FBXO34: variants seen among roughly 807,000 people sequenced by gnomAD.
FBXO34 encodes the protein F-box protein 34.
A neutral mutation model predicts 24.5 loss-of-function variants in FBXO34; 12 were observed. The observed-to-expected ratio is 0.49, with a 90% CI of 0.31 to 0.79. The LOEUF (loss-of-function observed/expected upper bound fraction) is 0.79. Ranked by LOEUF, FBXO34 falls within the 30% of genes least tolerant of loss-of-function variation. FBXO34 has a pLI of 0.04. For synonymous variants in FBXO34, 320 were observed against 311.9 expected, an observed-to-expected ratio of 1.03 and a Z score of -0.27; for missense variants, 823 against 857.7, an observed-to-expected ratio of 0.96 and a Z score of 0.51.
intron 1 of FBXO34, among the ~76,000 whole-genome samples, chr14:55,312,658 G>C (rs1232364724): frequency 6.6e-6 from 1 of 152,238 alleles, no homozygotes; most frequent in Non-Finnish European, 1.5e-5. Context: ...TGCACCTGCA[G>C]GCCCAACACC....
chr14:55,385,709 TACTGTTTGTTGAA>T, the FBXO34 span: 1 of 752,386 alleles, frequency 1.3e-6, no homozygotes, highest in East Asian at 2.7e-5. Flanking sequence ...CTGCGGTGCG[TACTGTTTGTTGAA>T]ACAGATAAGA....
chr14:55,405,514 A>G, the FBXO34 span, among the ~76,000 whole-genome samples: 2 of 152,202 alleles, frequency 1.3e-5, no homozygotes, highest in Non-Finnish European at 2.9e-5. Context: ...CCACATGTGA[A>G]AATCAGTGGC....
intron 1 of FBXO34, among the ~76,000 whole-genome samples, chr14:55,312,777 C>T (rs1394306736): frequency 6.6e-6 from 1 of 152,246 alleles, no homozygotes; most frequent in African/African-American, 2.4e-5. Flanking sequence ...AGTCTTGAGA[C>T]TGCACAAAGC....
chr14:55,386,253 T>C, the FBXO34 span, among the ~76,000 whole-genome samples: 1 of 152,196 alleles, frequency 6.6e-6, no homozygotes, highest in African/African-American at 2.4e-5. Flanking sequence ...TTTGAGAGTT[T>C]AGTTCAAGTA....
chr14:55,286,862 A>G (rs922736321), intron 1 of FBXO34, among the ~76,000 whole-genome samples: 4 of 149,108 alleles, frequency 2.7e-5, no homozygotes, highest in African/African-American at 9.9e-5. Context: ...TATCTTGGAG[A>G]TGGGACCCAC....
At chr14:55,409,885 C>T in the FBXO34 span, among the ~76,000 whole-genome samples, 1 of 152,160 alleles carries the variant, frequency 6.6e-6, no homozygotes, top group Non-Finnish European at 1.5e-5. Context: ...GGAGCAAGGA[C>T]GGAAGCAGAG....
At chr14:55,389,400 A>G in the FBXO34 span, among the ~76,000 whole-genome samples, 1 of 152,218 alleles carries the variant, frequency 6.6e-6, no homozygotes, top group African/African-American at 2.4e-5. Context: ...TAGGTTCTAT[A>G]TAGTTCTGGG....
At chr14:55,296,423 T>C (rs1348393868) in intron 1 of FBXO34, among the ~76,000 whole-genome samples, 2 of 127,586 alleles carry the variant, frequency 1.6e-5, no homozygotes, top group African/African-American at 5.9e-5. Context: ...TTTGAGACAG[T>C]CTCGCTCTGT....
At chr14:55,286,872 C>T (rs1175775416) in intron 1 of FBXO34, among the ~76,000 whole-genome samples, 1 of 149,622 alleles carries the variant, frequency 6.7e-6, no homozygotes, top group Admixed American at 6.7e-5. Flanking sequence ...ATGGGACCCA[C>T]ATTGAAACAC....
intron 1 of FBXO34, among the ~76,000 whole-genome samples, chr14:55,287,777 G>A (rs1300142928): frequency 1.3e-5 from 2 of 152,214 alleles, no homozygotes; most frequent in Non-Finnish European, 2.9e-5. Context: ...ATTAACAACA[G>A]TTTTTGTCTT....
chr14:55,347,662 T>C (rs10134339), intron 1 of FBXO34, among the ~76,000 whole-genome samples: 84,856 of 152,178 alleles, frequency 0.56, 26,698 homozygotes, highest in African/African-American at 0.87. Context: ...ATTTTAATCT[T>C]GCTAAAATCT....
At chr14:55,338,355 G>T (rs1883865505) in intron 1 of FBXO34, among the ~76,000 whole-genome samples, 1 of 151,792 alleles carries the variant, frequency 6.6e-6, no homozygotes, top group Non-Finnish European at 1.5e-5. Context: ...AGCGAGTATG[G>T]ACTTCTTTTA....
the FBXO34 span, among the ~76,000 whole-genome samples, chr14:55,426,012 A>G: frequency 2.0e-5 from 3 of 152,186 alleles, no homozygotes; most frequent in South Asian, 6.2e-4. Flanking sequence ...TCACACCTGT[A>G]ATCCTAGTAC....
At chr14:55,366,656 C>G (rs1009810175), downstream of FBXO34, 1 of 152,224 alleles carries the variant, frequency 6.6e-6, no homozygotes, top group African/African-American at 2.4e-5. Flanking sequence ...TATTCCATAA[C>G]CAAAAAATGT....
At chr14:55,296,325 G>C (rs1882119249) in intron 1 of FBXO34, among the ~76,000 whole-genome samples, 1 of 146,084 alleles carries the variant, frequency 6.8e-6, no homozygotes, top group African/African-American at 2.5e-5. Flanking sequence ...TGGACAGGAA[G>C]TATAATTTAG....
At chr14:55,394,272 T>C in the FBXO34 span, among the ~76,000 whole-genome samples, 1 of 152,208 alleles carries the variant, frequency 6.6e-6, no homozygotes. Flanking sequence ...CCCAAAGTGC[T>C]GGGATTATAG....
At chr14:55,380,639 G>C in the FBXO34 span, 1 of 1,613,378 alleles carries the variant, frequency 6.2e-7, no homozygotes, top group South Asian at 1.1e-5. Flanking sequence ...CAGCTGAGTT[G>C]CATAGCACAG....
chr14:55,422,655 C>A, the FBXO34 span, among the ~76,000 whole-genome samples: 1 of 152,100 alleles, frequency 6.6e-6, no homozygotes, highest in African/African-American at 2.4e-5. Context: ...GGTTCGAGAC[C>A]AGCCTAGCCA....
At chr14:55,299,193 T>C in intron 1 of FBXO34, 1 of 977,852 alleles carries the variant, frequency 1.0e-6, no homozygotes, top group Non-Finnish European at 1.7e-6. Context: ...AAATGTTCCC[T>C]CTATAGCCCT....
Sources: gnomAD v4.1 joint callset for allele counts (sites outside exome capture counted in the v4.1 genomes callset) on GRCh38, gnomAD v4.1.1 for gene constraint, MANE v1.5 for transcripts, NCBI Gene and HGNC (gene_info 2026-07-23, HGNC 2026-07-21) for gene names.